ACYP2: variants seen among roughly 807,000 people sequenced by gnomAD.
ACYP2 encodes the protein acylphosphatase 2.
Under a neutral mutation model 11.2 loss-of-function variants are expected in ACYP2, and 12 were observed. The observed-to-expected ratio is 1.08, with a 90% CI of 0.69 to 1.74. The LOEUF is 1.74. Ranked by LOEUF, ACYP2 falls within the 40% of genes most tolerant of loss-of-function variation. The probability of loss-of-function intolerance (pLI) is 0.00; values close to 1 mark genes in which losing one functional copy is unlikely to be tolerated. For missense variants in ACYP2, 134 were observed against 101.9 expected (o/e 1.31, Z -1.35); for synonymous variants, 43 against 32.2 (o/e 1.33, Z -1.13).
chr2:54,208,318 C>T lies in ACYP2; in HGVS notation c.404+69570C>T, dbSNP rs184246502. Among the ~76,000 whole-genome samples, 340 of 152,230 alleles carry T rather than the reference C, an allele frequency of 2.2e-3. 2 individuals carry two copies. The highest frequency in any genetic ancestry group is 6.5e-3 in the African/African-American group (270 of 41,542). ...GATCCTGATGTGAATAACATACTAC[C>T]CTTAGTCTTACATTTCTAATTTTTA... On this transcript the variant is annotated intron_variant, in intron 6 of 6. Transcript: ENST00000607452.
intron 4 of ACYP2, chr2:54,082,925 A>C (rs1677743880): frequency 6.6e-6 from 1 of 152,016 alleles, no homozygotes; most frequent in African/African-American, 2.4e-5. Flanking sequence ...AAATACAAAA[A>C]TTAGCTGGGC....
chr2:54,278,014 C>T (rs1173269549), intron 6 of ACYP2, among the ~76,000 whole-genome samples: 1 of 152,198 alleles, frequency 6.6e-6, no homozygotes. Context: ...GAGTCTCGCT[C>T]TGTCACCCAG....
chr2:54,291,497 C>T (rs1196131871), intron 6 of ACYP2, among the ~76,000 whole-genome samples: 2 of 152,230 alleles, frequency 1.3e-5, no homozygotes, highest in African/African-American at 2.4e-5. Flanking sequence ...CTATTCCAAA[C>T]TCCTTCTGGG....
chr2:54,035,602 T>C (rs1235562932), intron 2 of ACYP2, among the ~76,000 whole-genome samples: 1 of 152,124 alleles, frequency 6.6e-6, no homozygotes, highest in Non-Finnish European at 1.5e-5. Flanking sequence ...CAGTTATCTT[T>C]TGAGTAGTGG....
intron 2 of ACYP2, among the ~76,000 whole-genome samples, chr2:54,000,275 A>G (rs932774912): frequency 1.3e-5 from 2 of 152,136 alleles, no homozygotes; most frequent in African/African-American, 4.8e-5. Context: ...AAGAAAAAGT[A>G]TGTCCCCAGA....
intron 4 of ACYP2, among the ~76,000 whole-genome samples, chr2:54,134,304 ATAAG>A (rs969318786): frequency 2.6e-5 from 4 of 151,982 alleles, no homozygotes; most frequent in African/African-American, 7.3e-5. Context: ...AAATAAATAA[ATAAG>A]TAAGTAAATA....
At chr2:54,127,866 A>G (rs543549183) in intron 4 of ACYP2, among the ~76,000 whole-genome samples, 1 of 152,334 alleles carries the variant, frequency 6.6e-6, no homozygotes, top group East Asian at 1.9e-4. Context: ...CTCATGGCCA[A>G]TCGACTCATC....
chr2:54,117,658 A>T (rs1248373903), intron 4 of ACYP2, among the ~76,000 whole-genome samples: 1 of 152,208 alleles, frequency 6.6e-6, no homozygotes, highest in East Asian at 1.9e-4. Flanking sequence ...GAGTTGAATT[A>T]TCCTTGTATT....
chr2:54,140,656 C>T (rs1258623763), intron 6 of ACYP2, among the ~76,000 whole-genome samples: 1 of 152,130 alleles, frequency 6.6e-6, no homozygotes, highest in Admixed American at 6.6e-5. Context: ...AAGATACATC[C>T]AGGAAAATCC....
intron 6 of ACYP2, among the ~76,000 whole-genome samples, chr2:54,277,402 G>A (rs910324291): frequency 1.6e-4 from 24 of 152,088 alleles, no homozygotes; most frequent in Non-Finnish European, 2.9e-5. Context: ...AAAATGGGCC[G>A]GGTGCAGTGA....
intron 2 of ACYP2, among the ~76,000 whole-genome samples, chr2:53,989,709 A>T (rs1659192439): frequency 6.6e-6 from 1 of 152,278 alleles, no homozygotes; most frequent in African/African-American, 2.4e-5. Flanking sequence ...TGAGTAAGCA[A>T]TGCCAAGATG....
At chr2:53,975,399 A>G (rs1417790700) in intron 2 of ACYP2, 2 of 396,340 alleles carry the variant, frequency 5.0e-6, no homozygotes, top group Non-Finnish European at 8.9e-6. Context: ...CCAGTGAGAA[A>G]GTTAGAAGAC....
chr2:54,144,951 C>T (rs181113144), intron 6 of ACYP2, among the ~76,000 whole-genome samples: 131 of 151,900 alleles, frequency 8.6e-4, no homozygotes, highest in African/African-American at 2.8e-3. Flanking sequence ...TCCTAGTTGC[C>T]GTTGTTTTTA....
rs1178112513 is a variant in ACYP2, at chr2:54,155,315, G to T, written c.404+16567G>T. On this transcript the variant is annotated intron_variant, in intron 6 of 6. Coordinates refer to ENST00000607452, the MANE Select transcript of ACYP2 (RefSeq NM_001320586.2). Reference sequence around the variant, plus strand: ...TTTATTTATTTTTGCCCTGATCTTTGTCATTTTTTTCCTTCTGCTACATTT... The same window carrying T: ...TTTATTTATTTTTGCCCTGATCTTTTTCATTTTTTTCCTTCTGCTACATTT... 2.0e-5 allele frequency among the ~76,000 whole-genome samples: 3 copies of T among 151,842 alleles called. No individual in the cohort carries two copies. The East Asian group carries it at 5.8e-4, about 29-fold the overall frequency.
intron 2 of ACYP2, among the ~76,000 whole-genome samples, chr2:54,040,402 G>T (rs899757837): frequency 2.6e-5 from 4 of 152,032 alleles, no homozygotes; most frequent in Non-Finnish European, 5.9e-5. Context: ...TGTGAATCTG[G>T]GGTATAGGGG....
chr2:54,073,293 G>A (rs1677160076), intron 4 of ACYP2, among the ~76,000 whole-genome samples: 1 of 152,058 alleles, frequency 6.6e-6, no homozygotes, highest in Admixed American at 6.6e-5. Flanking sequence ...TTGGGAGGCT[G>A]AGGTGGGAAG....
At chr2:54,127,541 C>CT (rs1173802086) in intron 4 of ACYP2, among the ~76,000 whole-genome samples, 2 of 152,044 alleles carry the variant, frequency 1.3e-5, no homozygotes, top group African/African-American at 2.4e-5. Flanking sequence ...ACCATCCTGG[C>CT]TAACATAGTG....
chr2:54,135,571 C>T (rs1386571023), intron 5 of ACYP2, 102 bp downstream of exon 2: 3 of 879,172 alleles, frequency 3.4e-6, no homozygotes, highest in East Asian at 2.6e-5. Context: ...CTACTGTTTA[C>T]TCCCTGTCCT....
At chr2:54,063,660 C>T (rs1676584814) in intron 4 of ACYP2, among the ~76,000 whole-genome samples, 1 of 152,248 alleles carries the variant, frequency 6.6e-6, no homozygotes. Flanking sequence ...CCACTTATTC[C>T]TTTAGATGAG....
Sources: gnomAD v4.1 joint callset for allele counts (sites outside exome capture counted in the v4.1 genomes callset) on GRCh38, gnomAD v4.1.1 for gene constraint, MANE v1.5 for transcripts, NCBI Gene and HGNC (gene_info 2026-07-23, HGNC 2026-07-21) for gene names.